RP1: variants seen among roughly 807,000 people sequenced by gnomAD.
RP1 encodes the protein oxygen-regulated protein 1.
Under a neutral mutation model 14.8 loss-of-function variants are expected in RP1, and 16 were observed. That is an observed-to-expected ratio of 1.08 (90% CI 0.73 to 1.65). RP1 has a LOEUF of 1.65. RP1 is among the 40% of genes most tolerant of loss of function. RP1 has a pLI of 0.00. For missense variants in RP1, 2,631 were observed against 2,535.0 expected, an observed-to-expected ratio of 1.04 and a Z score of -0.81; for synonymous variants, 876 against 883.6, an observed-to-expected ratio of 0.99 and a Z score of 0.15.
intron 21 of RP1, among the ~76,000 whole-genome samples, chr8:54,756,703 T>C (rs1462008362): frequency 6.6e-6 from 1 of 152,196 alleles, no homozygotes; most frequent in Non-Finnish European, 1.5e-5. Context: ...TACAGAACCG[T>C]GCTGGCTTTG....
chr8:54,578,772 G>A (rs532829287), intron 1 of RP1, among the ~76,000 whole-genome samples: 4 of 152,168 alleles, frequency 2.6e-5, no homozygotes, highest in South Asian at 2.1e-4. Context: ...ACTACACACC[G>A]GGCTAAGCAA....
chr8:54,576,357 A>C (rs1320675892), intron 1 of RP1, among the ~76,000 whole-genome samples: 1 of 151,072 alleles, frequency 6.6e-6, no homozygotes, highest in Non-Finnish European at 1.5e-5. Context: ...AACATGTCAG[A>C]CTCTTAACAC....
chr8:54,837,698 G>C (rs968868413), intron 25 of RP1: 3 of 1,157,400 alleles, frequency 2.6e-6, no homozygotes, highest in Non-Finnish European at 3.3e-6. Flanking sequence ...TTTGTGATGT[G>C]TATTGAAAAT....
At chr8:54,759,020 A>T (rs992506220) in exon 22 of RP1, 5 of 1,535,832 alleles carry the variant, frequency 3.3e-6, no homozygotes, top group Non-Finnish European at 4.4e-6. Context: ...GGTACTGTGA[A>T]CAAGTCATAG....
intron 25 of RP1, among the ~76,000 whole-genome samples, chr8:54,848,905 C>A (rs887243568): frequency 2.6e-5 from 4 of 152,114 alleles, no homozygotes; most frequent in African/African-American, 4.8e-5. Context: ...CCTGCCACCA[C>A]GCCCTGCGAA....
Position 54,627,582 on chromosome 8 carries a change from T to A in RP1, c.3700T>A (p.Ser1234Thr), listed in dbSNP as rs552178472. Reference protein sequence around the residue: ...SENERTQGISSLDGGCSASEA... With the variant: ...SENERTQGISTLDGGCSASEA... ...AAATGAAAGAACACAAGGAATCTCC[T>A]CTTTGGATGGAGGTTGCTCTGCCAG... Residue 1234 changes from serine (S) to threonine (T), a missense_variant, in exon 4 of 4, where the codon TCT (serine) becomes ACT (threonine). Transcript: ENST00000220676. The A allele has an allele frequency of 1.2e-5, 20 of 1,614,178 alleles. No individual in the cohort carries two copies. In the Admixed American group the frequency reaches 3.3e-4, roughly 27 times the overall value.
At position 54,734,546 on chromosome 8, in the gene RP1, A is replaced by AG. The variant is rs1401282293; in HGVS notation, c.2524dup (p.Glu842GlyfsTer8). ...CACTAATGCTTTTTTCCCCCATAGA[A>AG]GAAATCAGACATTTCCAAAGTAGTG... On this transcript the variant is annotated frameshift_variant and splice_region_variant, in exon 18 of 23. Transcript: ENST00000636932. LOFTEE classifies it high-confidence loss of function. 7 of 1,533,416 alleles carry AG rather than the reference A, an allele frequency of 4.6e-6. No individual in the cohort carries two copies. The highest frequency in any genetic ancestry group is 6.1e-6 in the Non-Finnish European group (7 of 1,145,324). 95.0% of individuals were successfully genotyped at this position (1,533,416 alleles called of 1,614,324 possible).
chr8:54,802,587 C>A (rs974211496), intron 24 of RP1, among the ~76,000 whole-genome samples: 24 of 152,100 alleles, frequency 1.6e-4, no homozygotes, highest in African/African-American at 5.8e-4. Flanking sequence ...CCAAATTGTT[C>A]TTTCTTTCTG....
Position 54,827,517 on chromosome 8 carries a change from A to G in RP1, c.3616-9933A>G, listed in dbSNP as rs577724450. 1.4e-4 allele frequency among the ~76,000 whole-genome samples: 21 copies of G among 151,996 alleles called. No individual in the cohort carries two copies. The South Asian group carries it at 3.9e-3, about 29-fold the overall frequency. On this transcript the variant is annotated intron_variant, in intron 24 of 28. Transcript: ENST00000637698. ...CTGATTTTTAAATGTTTTTCTAGAG[A>G]TGGGGTTTAACCATGTTGCCTAGGC...
intron 1 of RP1, among the ~76,000 whole-genome samples, chr8:54,603,043 T>G (rs1320401610): frequency 1.3e-5 from 2 of 152,220 alleles, no homozygotes; most frequent in Non-Finnish European, 2.9e-5. Flanking sequence ...TTAGTTTAAT[T>G]AGATCCCATT....
intron 1 of RP1, among the ~76,000 whole-genome samples, chr8:54,585,654 C>T (rs987442837): frequency 3.3e-5 from 5 of 152,170 alleles, no homozygotes; most frequent in African/African-American, 1.2e-4. Flanking sequence ...TAGATTTGGT[C>T]TTTTCACATA....
At chr8:54,572,921 A>T in intron 1 of RP1, among the ~76,000 whole-genome samples, 1 of 152,194 alleles carries the variant, frequency 6.6e-6, no homozygotes, top group East Asian at 1.9e-4. Flanking sequence ...GTCTAATAAC[A>T]TATTTAAGAA....
intron 17 of RP1, among the ~76,000 whole-genome samples, chr8:54,730,016 T>C (rs1316601814): frequency 1.3e-5 from 2 of 152,086 alleles, no homozygotes; most frequent in African/African-American, 4.8e-5. Flanking sequence ...TTATATATTG[T>C]AAAGGTAGTG....
chr8:54,656,163 G>A, exon 6 of RP1: 1 of 1,535,676 alleles, frequency 6.5e-7, no homozygotes, highest in Non-Finnish European at 8.7e-7. Context: ...AAGAGGATGG[G>A]GAAATCTGTC....
At chr8:54,661,867 TG>T (rs1468340096) in intron 6 of RP1, among the ~76,000 whole-genome samples, 3 of 152,344 alleles carry the variant, frequency 2.0e-5, no homozygotes, top group African/African-American at 7.2e-5. Context: ...TGCTTTCCTC[TG>T]TTCTCTCCAG....
Position 54,629,944 on chromosome 8 carries a change from TA to T in RP1, c.6065del (p.Lys2022ArgfsTer7). 6.2e-7 allele frequency: 1 copy of T among 1,613,970 alleles called. No homozygotes were observed. The highest frequency in any genetic ancestry group is 8.5e-7 in the Non-Finnish European group (1 of 1,179,950). The part of the protein sequence containing the change: ...NFLGLEEEGN[L>X]KKFQPDLKER... ...TTGGGGTTAGAGGAAGAAGGTAATT[TA>T]AAGAAATTTCAACCAGATTTGAAGG... On this transcript the variant is annotated frameshift_variant, in exon 4 of 4. Transcript: ENST00000220676. LOFTEE classifies it low-confidence loss of function (END_TRUNC).
At chr8:54,833,730 T>C (rs879790102) in intron 24 of RP1, among the ~76,000 whole-genome samples, 4 of 152,054 alleles carry the variant, frequency 2.6e-5, no homozygotes, top group African/African-American at 7.2e-5. Context: ...TTCATTTAAA[T>C]AGCAACTAAT....
intron 24 of RP1, among the ~76,000 whole-genome samples, chr8:54,820,403 CAGGACCCT>C (rs1403533478): frequency 6.6e-6 from 1 of 152,150 alleles, no homozygotes; most frequent in Non-Finnish European, 1.5e-5. Context: ...CAAATTTATA[CAGGACCCT>C]AGACTGCTTT....
chr8:54,769,416 G>A (rs534143350), intron 22 of RP1, among the ~76,000 whole-genome samples: 1 of 152,214 alleles, frequency 6.6e-6, no homozygotes, highest in East Asian at 1.9e-4. Context: ...TTGGTACTGG[G>A]AGTGCTCTGC....
Sources: allele counts gnomAD v4.1 joint callset (sites outside exome capture counted in the v4.1 genomes callset), GRCh38; gene constraint gnomAD v4.1.1; transcripts MANE v1.5; gene names NCBI Gene and HGNC (gene_info 2026-07-23, HGNC 2026-07-21).